PPARGC1B: variants seen among roughly 807,000 people sequenced by gnomAD.
PPARGC1B encodes peroxisome proliferator-activated receptor gamma coactivator 1-beta.
PPARGC1B carries 34 observed loss-of-function variants against 101.6 expected under a neutral mutation model. That is an observed-to-expected ratio of 0.33 (90% CI 0.25 to 0.45). The LOEUF (loss-of-function observed/expected upper bound fraction) is 0.45, where lower values mean the gene tolerates loss of function less well. Among genes scored for constraint, PPARGC1B ranks in the 20% least tolerant of loss-of-function variants. The pLI is 1.00. For synonymous variants in PPARGC1B, 548 were observed against 539.3 expected, an observed-to-expected ratio of 1.02 and a Z score of -0.22; for missense variants, 1,234 against 1,317.6, an observed-to-expected ratio of 0.94 and a Z score of 0.98.
chr5:149,813,225 A>AT (rs1427790375), intron 1 of PPARGC1B, among the ~76,000 whole-genome samples: 3 of 152,200 alleles, frequency 2.0e-5, no homozygotes, highest in Non-Finnish European at 4.4e-5. Context: ...GCAGGTCTGC[A>AT]TTCCTGACAG....
chr5:149,831,893 T>C (rs970428794), intron 4 of PPARGC1B, among the ~76,000 whole-genome samples: 2 of 152,226 alleles, frequency 1.3e-5, no homozygotes, highest in African/African-American at 4.8e-5. Context: ...AATTTTTTGT[T>C]TTTTTAAACT....
chr5:149,753,489 G>C (rs1473785223), intron 1 of PPARGC1B, among the ~76,000 whole-genome samples: 2 of 151,494 alleles, frequency 1.3e-5, no homozygotes, highest in Non-Finnish European at 2.9e-5. Context: ...ATTACTAAAG[G>C]CATGAGCCAC....
At position 149,836,944 on chromosome 5, in the gene PPARGC1B, C is replaced by T. The variant is rs1759113993; in HGVS notation, c.2489C>T (p.Thr830Ile). 2 of 1,613,948 alleles carry T rather than the reference C, an allele frequency of 1.2e-6. No individual in the cohort carries two copies. The highest frequency in any genetic ancestry group is 2.7e-5 in the African/African-American group (2 of 74,920). The change falls in exon 8 of 12, where the codon ACT (threonine) becomes ATT (isoleucine). Residue 830 changes from threonine (T) to isoleucine (I), a missense_variant. By Grantham distance (89) the Thr-to-Ile change is moderately conservative. Around this residue, in one of 3 missense-constraint regions of PPARGC1B, gnomAD observed 497 missense variants for 529.5 expected, o/e 0.94. Transcript: ENST00000309241. ...DEEEDSGVSPTCSDHCPYQSP... is the reference protein window; with the variant it reads ...DEEEDSGVSPICSDHCPYQSP... ...GAAGAGGACTCAGGGGTCAGCCCCA[C>T]TTGCTCTGACCACTGCCCCTACCAG...
intron 1 of PPARGC1B, among the ~76,000 whole-genome samples, chr5:149,800,026 A>G (rs985314916): frequency 2.0e-5 from 3 of 152,004 alleles, no homozygotes; most frequent in African/African-American, 7.2e-5. Context: ...AATGAGTTGC[A>G]GCATGTATAT....
intron 1 of PPARGC1B, among the ~76,000 whole-genome samples, chr5:149,738,819 ACTC>A (rs1435464024): frequency 6.6e-6 from 1 of 151,598 alleles, no homozygotes; most frequent in Non-Finnish European, 1.5e-5. Flanking sequence ...CTGGTCTTGA[ACTC>A]CTGACCTCGT....
intron 2 of PPARGC1B, among the ~76,000 whole-genome samples, chr5:149,821,700 A>T (rs903284326): frequency 1.3e-5 from 2 of 152,132 alleles, no homozygotes; most frequent in Non-Finnish European, 2.9e-5. Flanking sequence ...TCCTTTTAGA[A>T]ACGTTTACCA....
At chr5:149,799,690 G>GCTGTTTTTT (rs1757361025) in intron 1 of PPARGC1B, among the ~76,000 whole-genome samples, 19 of 65,054 alleles carry the variant, frequency 2.9e-4, no homozygotes, top group Non-Finnish European at 3.0e-5. Context: ...TTTGCTTGTT[G>GCTGTTTTTT]TTGTTTTTTT....
At chr5:149,780,085 A>T (rs1231414795) in intron 1 of PPARGC1B, among the ~76,000 whole-genome samples, 1 of 152,192 alleles carries the variant, frequency 6.6e-6, no homozygotes, top group African/African-American at 2.4e-5. Flanking sequence ...GAAAGCTGGG[A>T]TGAATTCCTA....
rs115191682 is a variant in PPARGC1B at position 149,836,149 on chromosome 5, A to C, written c.1808-114A>C. 2.9e-3 allele frequency: 2,646 copies of C among 908,634 alleles called. 44 individuals are homozygous for C. In the African/African-American group the frequency reaches 0.038, roughly 13 times the overall value. 56.3% of individuals were successfully genotyped at this position (908,634 alleles called of 1,614,324 possible). The stretch of plus-strand genomic sequence containing the variant: ...AGTAATCCACCCACCTCACCCTCCC[A>C]AAATGTTGGGATTATAGGTGTGAGC... On this transcript the variant is annotated intron_variant, in intron 7 of 11. Coordinates refer to ENST00000309241, the MANE Select transcript of PPARGC1B (RefSeq NM_133263.4).
chr5:149,824,673 T>A (rs1344744579), intron 2 of PPARGC1B, among the ~76,000 whole-genome samples: 1 of 152,096 alleles, frequency 6.6e-6, no homozygotes, highest in Non-Finnish European at 1.5e-5. Context: ...GGTTCTGGGC[T>A]GGACAGGGTT....
chr5:149,800,774 A>G (rs944557123), intron 1 of PPARGC1B, among the ~76,000 whole-genome samples: 1 of 152,236 alleles, frequency 6.6e-6, no homozygotes, highest in Admixed American at 6.5e-5. Flanking sequence ...CAACCGATTG[A>G]TCTGAAGCTC....
intron 1 of PPARGC1B, among the ~76,000 whole-genome samples, chr5:149,819,135 A>G (rs868496420): frequency 2.0e-5 from 3 of 152,238 alleles, no homozygotes; most frequent in Admixed American, 6.5e-5. Context: ...TATTTCCAAC[A>G]TACCAGGTTT....
At chr5:149,804,262 A>G (rs367575708) in intron 1 of PPARGC1B, among the ~76,000 whole-genome samples, 3 of 152,116 alleles carry the variant, frequency 2.0e-5, no homozygotes, top group East Asian at 3.9e-4. Flanking sequence ...GTAAGCACCT[A>G]CTCAGTGCTT....
intron 1 of PPARGC1B, among the ~76,000 whole-genome samples, chr5:149,774,276 C>T (rs911656204): frequency 3.3e-5 from 5 of 152,094 alleles, no homozygotes; most frequent in African/African-American, 7.2e-5. Context: ...GAATGGGTGT[C>T]GGGGCCTGAG....
chr5:149,843,324 A>C (rs879316044), intron 10 of PPARGC1B, among the ~76,000 whole-genome samples: 1 of 152,188 alleles, frequency 6.6e-6, no homozygotes, highest in African/African-American at 2.4e-5. Context: ...AATCTTTCTA[A>C]ATTATCTCCT....
chr5:149,803,239 C>T (rs1426749039), intron 1 of PPARGC1B, among the ~76,000 whole-genome samples: 1 of 152,178 alleles, frequency 6.6e-6, no homozygotes, highest in Admixed American at 6.5e-5. Context: ...ATCCAGTGTT[C>T]TCTACTATTG....
chr5:149,823,860 T>G lies in PPARGC1B; in HGVS notation c.253-2813T>G, dbSNP rs371907665. Reference sequence around the variant, plus strand: ...GAGGTCTTCGCCATTTTGGACTCATTTCAGCACCGTGACCGGCACTCAGTA... The same window carrying G: ...GAGGTCTTCGCCATTTTGGACTCATGTCAGCACCGTGACCGGCACTCAGTA... On this transcript the variant is annotated intron_variant, in intron 2 of 11. Transcript: ENST00000309241. Among the ~76,000 whole-genome samples, 6 of 152,122 alleles carry G rather than the reference T, an allele frequency of 3.9e-5. No individual in the cohort carries two copies. The East Asian group carries it at 1.2e-3, about 29-fold the overall frequency.
In PPARGC1B at chr5:149,755,440, A is replaced by G. The variant is rs79277425; in HGVS notation, c.78+25020A>G. 5.9e-4 allele frequency among the ~76,000 whole-genome samples: 90 copies of G among 152,026 alleles called. 1 individual carries two copies. The East Asian group carries it at 0.016, about 27-fold the overall frequency. ...TTCATGGGTGAACCCCTAAGAGCCA[A>G]TACTTCAGAGCTGAAAGATGTCTAT... On this transcript the variant is annotated intron_variant, in intron 1 of 11. Coordinates refer to ENST00000309241, the MANE Select transcript of PPARGC1B (RefSeq NM_133263.4).
intron 1 of PPARGC1B, among the ~76,000 whole-genome samples, chr5:149,807,417 C>T (rs1757641778): frequency 6.6e-6 from 1 of 152,030 alleles, no homozygotes; most frequent in African/African-American, 2.4e-5. Flanking sequence ...GTGGTCGCCC[C>T]TTCAGCCGTG....
Sources: allele counts gnomAD v4.1 joint callset (sites outside exome capture counted in the v4.1 genomes callset), GRCh38; gene constraint gnomAD v4.1.1; regional missense constraint gnomAD v4.1.1; transcripts MANE v1.5; gene names NCBI Gene and HGNC (gene_info 2026-07-23, HGNC 2026-07-21).